Variants in TTC34 observed in about 807,000 individuals in gnomAD.
TTC34 encodes tetratricopeptide repeat protein 34.
A neutral mutation model predicts 40.7 loss-of-function variants in TTC34; 44 were observed. The ratio of observed to expected loss-of-function variants is 1.08; its 90% CI spans 0.85 to 1.39. The LOEUF (loss-of-function observed/expected upper bound fraction) is 1.39. TTC34 is among the 40% of genes most tolerant of loss of function. The pLI, the probability that TTC34 is intolerant of heterozygous loss-of-function variation, is 0.00. For missense variants in TTC34, 884 were observed against 838.0 expected (o/e 1.05, Z -0.68); for synonymous variants, 422 against 398.6 (o/e 1.06, Z -0.70).
chr1:2,790,458 C>T lies in TTC34; in HGVS notation c.785-112G>A, dbSNP rs143706485. The T allele has an allele frequency of 8.0e-4, 317 of 397,414 alleles. 1 individual carries two copies. Among genetic ancestry groups the T allele is most frequent in the African/African-American group, 5.9e-3 (289 of 48,736 alleles). 24.6% of individuals were successfully genotyped at this position (397,414 alleles called of 1,614,324 possible). A position where few individuals can be genotyped will look rare whatever the true frequency, so the allele number is the denominator to read the frequency against. On this transcript the variant is annotated intron_variant, in intron 2 of 8. Transcript: ENST00000401095. ...TTGGACTCAGGAGACTGTGAGTCCT[C>T]CTGCCCGAGGCATCTCCCTCCAGTC...
chr1:2,789,356 G>A (rs944065539), intron 3 of TTC34, 147 bp downstream of exon 3: 12 of 725,886 alleles, frequency 1.7e-5, no homozygotes, highest in Non-Finnish European at 2.1e-5. Flanking sequence ...GGAAGCAGCG[G>A]AGCTAGACCT....
At chr1:2,759,867 GTAGTATC>G (rs1641636350) in intron 6 of TTC34, among the ~76,000 whole-genome samples, 44 of 61,394 alleles carry the variant, frequency 7.2e-4, no homozygotes, top group Non-Finnish European at 9.2e-4. Flanking sequence ...ACAGCCTGGA[GTAGTATC>G]CTGCACCCTC....
chr1:2,683,445 A>AAG (rs1640171592), intron 6 of TTC34, among the ~76,000 whole-genome samples: 2 of 149,670 alleles, frequency 1.3e-5, no homozygotes, highest in Admixed American at 6.7e-5. Flanking sequence ...CCAGGTGAGC[A>AAG]TCCGACAGCC....
chr1:2,683,396 A>C (rs1640167097), intron 6 of TTC34, among the ~76,000 whole-genome samples: 2 of 137,008 alleles, frequency 1.5e-5, no homozygotes, highest in South Asian at 4.8e-4. Context: ...CCACACGCCC[A>C]GGTGAGCATC....
intron 8 of TTC34, among the ~76,000 whole-genome samples, chr1:2,643,205 G>C (rs908966312): frequency 2.0e-5 from 3 of 152,218 alleles, no homozygotes; most frequent in African/African-American, 7.2e-5. Flanking sequence ...CGCAGGCGCA[G>C]TGCCACCCGG....
intron 6 of TTC34, among the ~76,000 whole-genome samples, chr1:2,684,815 C>A (rs552603726): frequency 9.2e-6 from 1 of 109,100 alleles, no homozygotes; most frequent in African/African-American, 4.5e-5. Context: ...GAGCATCTGA[C>A]ATCGTGCAGC....
intron 6 of TTC34, among the ~76,000 whole-genome samples, chr1:2,686,542 G>A (rs370631535): frequency 8.0e-6 from 1 of 124,418 alleles, no homozygotes; most frequent in African/African-American, 3.4e-5. Flanking sequence ...GCATCTGACA[G>A]CCTGGAACAG....
intron 6 of TTC34, among the ~76,000 whole-genome samples, chr1:2,751,751 T>C (rs1641327781): frequency 6.7e-6 from 1 of 148,984 alleles, no homozygotes; most frequent in South Asian, 2.1e-4. Context: ...TCTGACATCG[T>C]AGAGCAGCAC....
rs1002337862 is a variant in TTC34, at chr1:2,641,612, GC to G, written c.2995del (p.Ala999ProfsTer6). 73 of 1,534,172 alleles carry G rather than the reference GC, an allele frequency of 4.8e-5. No individual in the cohort carries two copies. Among genetic ancestry groups the G allele is most frequent in the Non-Finnish European group, 5.7e-5 (65 of 1,146,244 alleles). On this transcript the variant is annotated frameshift_variant, in exon 9 of 9. Coordinates refer to ENST00000401095, the Ensembl canonical transcript of TTC34. LOFTEE classifies it low-confidence loss of function (END_TRUNC). ...CGCCAGCTTCAGGGCCTGGGCAAAG[GC>G]CCCTGCGGCCGCCGCCTCATCCCCC...
At chr1:2,675,090 A>G (rs1639850720) in intron 6 of TTC34, among the ~76,000 whole-genome samples, 1 of 125,510 alleles carries the variant, frequency 8.0e-6, no homozygotes, top group Non-Finnish European at 1.8e-5. Context: ...CACCCAGGCG[A>G]GCATCTGACA....
chr1:2,779,662 G>C (rs1459790623), intron 6 of TTC34, among the ~76,000 whole-genome samples: 1 of 152,172 alleles, frequency 6.6e-6, no homozygotes, highest in African/African-American at 2.4e-5. Flanking sequence ...TGGCCATCCT[G>C]TTTTCCTTAG....
chr1:2,675,359 C>G (rs1273796647), intron 6 of TTC34, among the ~76,000 whole-genome samples: 3 of 128,906 alleles, frequency 2.3e-5, no homozygotes, highest in Non-Finnish European at 5.2e-5. Flanking sequence ...ACAGCACCCA[C>G]ACGCCCAGGT....
chr1:2,798,308 A>G (rs1306665600), intron 2 of TTC34, among the ~76,000 whole-genome samples: 1 of 74,856 alleles, frequency 1.3e-5, no homozygotes, highest in Non-Finnish European at 2.5e-5. Context: ...TCAGCTCCCC[A>G]GCCCCCCAGC....
At chr1:2,657,460 C>T (rs1317180513) in intron 6 of TTC34, among the ~76,000 whole-genome samples, 7 of 88,652 alleles carry the variant, frequency 7.9e-5, no homozygotes, top group African/African-American at 1.8e-4. Context: ...AGCACCCACG[C>T]CCCCAGGCGA....
At chr1:2,637,435 G>C in exon 9 of TTC34, 1 of 152,242 alleles carries the variant, frequency 6.6e-6, no homozygotes, top group Admixed American at 6.5e-5. Context: ...TCAAAAGGTG[G>C]GGTCCGGGGA....
intron 6 of TTC34, among the ~76,000 whole-genome samples, chr1:2,687,293 G>A (rs1168748700): frequency 7.5e-6 from 1 of 132,980 alleles, no homozygotes; most frequent in Non-Finnish European, 1.5e-5. Flanking sequence ...AACCACAGGT[G>A]AGCATCTGAC....
intron 6 of TTC34, among the ~76,000 whole-genome samples, chr1:2,685,519 A>C (rs371723897): frequency 5.7e-3 from 224 of 38,996 alleles, no homozygotes; most frequent in Admixed American, 8.1e-3. Flanking sequence ...GCACCCACAG[A>C]CCAAGGTGAG....
exon 3 of TTC34, chr1:2,789,748 C>T: frequency 1.4e-6 from 1 of 717,350 alleles, no homozygotes; most frequent in Non-Finnish European, 2.0e-6. Flanking sequence ...GCACCCGCAG[C>T]AGTCCCCGGC....
chr1:2,784,668 C>G (rs1569958331), intron 5 of TTC34, among the ~76,000 whole-genome samples: 1 of 152,158 alleles, frequency 6.6e-6, no homozygotes, highest in South Asian at 2.1e-4. Flanking sequence ...CCCTTCAGCA[C>G]CTGACCCTAC....
Sources: allele counts gnomAD v4.1 joint callset (sites outside exome capture counted in the v4.1 genomes callset), GRCh38; gene constraint gnomAD v4.1.1; transcripts MANE v1.5; gene names NCBI Gene and HGNC (gene_info 2026-07-23, HGNC 2026-07-21).